CNTLN: variants seen among roughly 807,000 people sequenced by gnomAD.
The protein encoded by CNTLN is centlein.
Under a neutral mutation model 180.0 loss-of-function variants are expected in CNTLN, and 212 were observed. The ratio of observed to expected loss-of-function variants is 1.18; its 90% confidence interval spans 1.05 to 1.32. The LOEUF is 1.32. Ranked by LOEUF, CNTLN falls within the 40% of genes most tolerant of loss-of-function variation. The pLI is 0.00. For missense variants in CNTLN, 2,095 were observed against 1,610.9 expected (o/e 1.30, Z -5.14); for synonymous variants, 722 against 563.1 (o/e 1.28, Z -3.99).
At chr9:17,231,726 T>G (rs940749460) in intron 3 of CNTLN, among the ~76,000 whole-genome samples, 13 of 152,124 alleles carry the variant, frequency 8.5e-5, no homozygotes, top group Non-Finnish European at 1.6e-4. Flanking sequence ...TTCATGTCCA[T>G]TTTGAAAATA....
At position 17,334,913 on chromosome 9, in the gene CNTLN, A is replaced by T. The variant is rs957470375; in HGVS notation, c.1644+2183A>T. Among the ~76,000 whole-genome samples the T allele has an allele frequency of 2.0e-3, 303 of 150,388 alleles. 1 individual carries two copies. Among genetic ancestry groups the T allele is most frequent in the African/African-American group, 6.8e-3 (280 of 41,116 alleles). On this transcript the variant is annotated intron_variant, in intron 10 of 25. Coordinates refer to ENST00000380647, the MANE Select transcript of CNTLN (RefSeq NM_017738.4). ...ATGTGCTCCCTGAATCTAAAATTAAAAAAAAAAAAAAAAAAAAAGATTTTC... is the reference window on the plus strand; with the variant it reads ...ATGTGCTCCCTGAATCTAAAATTAATAAAAAAAAAAAAAAAAAAGATTTTC...
intron 7 of CNTLN, chr9:17,298,802 C>T: frequency 1.0e-6 from 1 of 986,064 alleles, no homozygotes; most frequent in Non-Finnish European, 1.2e-6. Flanking sequence ...TCAATATTTT[C>T]CAGGATTTTT....
chr9:17,235,591 C>T, intron 3 of CNTLN, 67 bp from the exon 4 acceptor site: 1 of 1,310,024 alleles, frequency 7.6e-7, no homozygotes, highest in Non-Finnish European at 1.1e-6. Context: ...AATGTAAAAC[C>T]TTTAAAATAA....
chr9:17,323,525 A>G (rs1025781767), intron 8 of CNTLN, among the ~76,000 whole-genome samples: 25 of 152,322 alleles, frequency 1.6e-4, no homozygotes, highest in Middle Eastern at 6.8e-3. Flanking sequence ...GTGCAAGATA[A>G]GTTCCCCAAA....
chr9:17,272,035 C>A lies in CNTLN; in HGVS notation c.850-1698C>A, dbSNP rs183628623. Among the ~76,000 whole-genome samples, 654 of 145,626 alleles carry A rather than the reference C, an allele frequency of 4.5e-3. 4 individuals carry two copies. Among genetic ancestry groups the A allele is most frequent in the African/African-American group, 0.015 (605 of 39,420 alleles). ...GTCCCCTCCCTCCCTCCCTTCCTTC[C>A]TTTTTTCCTTCCTTCCTTCCTCTCT... On this transcript the variant is annotated intron_variant, in intron 5 of 25. Transcript: ENST00000380647.
intron 2 of CNTLN, among the ~76,000 whole-genome samples, chr9:17,206,223 T>C (rs559516661): frequency 6.6e-6 from 1 of 152,334 alleles, no homozygotes; most frequent in East Asian, 1.9e-4. Flanking sequence ...ACCTGGACTT[T>C]TTTTTAACCA....
rs538674525 is a variant in CNTLN, at chr9:17,409,361, G to T, written c.2684G>T (p.Ser895Ile). 4 of 1,613,398 alleles carry T rather than the reference G, an allele frequency of 2.5e-6. No homozygotes were observed. The South Asian group carries it at 4.4e-5, about 18-fold the overall frequency. Residue 895 changes from serine to isoleucine, a missense_variant, in exon 16 of 26, where the codon AGT becomes ATT. Coordinates refer to ENST00000380647, the MANE Select transcript of CNTLN (RefSeq NM_017738.4). ...TIIVETSQKI[S>I]PTEDGKDQKE... Reference sequence around the variant, plus strand: ...ATTGTAGAAACATCCCAGAAAATAAGTCCTACGGAAGATGGAAAAGACCAG... The same window carrying T: ...ATTGTAGAAACATCCCAGAAAATAATTCCTACGGAAGATGGAAAAGACCAG...
chr9:17,519,979 G>A, the CNTLN span, among the ~76,000 whole-genome samples: 1 of 152,208 alleles, frequency 6.6e-6, no homozygotes, highest in Non-Finnish European at 1.5e-5. Context: ...CTCAGAGAGT[G>A]CAGGAGAGGA....
intron 18 of CNTLN, among the ~76,000 whole-genome samples, chr9:17,452,864 C>T (rs1454688713): frequency 3.3e-5 from 5 of 152,136 alleles, no homozygotes; most frequent in African/African-American, 1.2e-4. Context: ...TGGGATCCTA[C>T]AGTTGCAGCT....
intron 1 of CNTLN, among the ~76,000 whole-genome samples, chr9:17,142,459 T>G (rs1818171249): frequency 6.6e-6 from 1 of 152,274 alleles, no homozygotes; most frequent in East Asian, 1.9e-4. Flanking sequence ...CAATAATTTT[T>G]TTTTGAACAA....
chr9:17,298,952 T>C, intron 7 of CNTLN: 1 of 984,766 alleles, frequency 1.0e-6, no homozygotes, highest in African/African-American at 1.7e-5. Context: ...TTAAAAAAAA[T>C]ACCTTTATTG....
At chr9:17,253,653 G>C (rs1323909316) in intron 5 of CNTLN, among the ~76,000 whole-genome samples, 1 of 150,376 alleles carries the variant, frequency 6.6e-6, no homozygotes, top group Non-Finnish European at 1.5e-5. Context: ...ATCAGTTCTG[G>C]AGTTTTTCTG....
intron 13 of CNTLN, among the ~76,000 whole-genome samples, chr9:17,383,079 T>G (rs375378431): frequency 7.2e-5 from 11 of 152,124 alleles, no homozygotes; most frequent in African/African-American, 2.6e-4. Context: ...CTTTTTCTGT[T>G]CTCTTTGTTT....
chr9:17,333,860 G>A (rs1564003080), intron 10 of CNTLN, among the ~76,000 whole-genome samples: 1 of 152,148 alleles, frequency 6.6e-6, no homozygotes, highest in East Asian at 1.9e-4. Context: ...CAATTACTGA[G>A]CATTGCAATT....
intron 2 of CNTLN, among the ~76,000 whole-genome samples, chr9:17,211,987 A>G (rs980899179): frequency 3.9e-5 from 6 of 152,182 alleles, no homozygotes; most frequent in Non-Finnish European, 7.3e-5. Flanking sequence ...ATATACAGTC[A>G]TGTCGTCTGC....
rs752870109 is a variant in CNTLN at position 17,135,100 on chromosome 9, C to T, written c.35C>T (p.Ser12Leu). ...CGTTCGCCTCCCTCACCGCACCCTT[C>T]GCCCCCAGCGCGACAGCTGGGCCCC... is the stretch of plus-strand genomic sequence containing the variant. ...AARSPPSPHP[S>L]PPARQLGPRS... is the part of the protein sequence containing the mutation. Residue 12 changes from serine (S) to leucine (L), a missense_variant, in exon 1 of 26, where the codon TCG (serine) becomes TTG (leucine). By Grantham distance (145) the Ser-to-Leu change is moderately radical. Transcript: ENST00000380647. The T allele has an allele frequency of 1.0e-5, 16 of 1,604,654 alleles. No individual in the cohort carries two copies. Among genetic ancestry groups the T allele is most frequent in the African/African-American group, 1.3e-5 (1 of 74,852 alleles).
chr9:17,356,134 G>A (rs553133385), intron 12 of CNTLN, among the ~76,000 whole-genome samples: 1 of 151,804 alleles, frequency 6.6e-6, no homozygotes, highest in African/African-American at 2.4e-5. Flanking sequence ...TAAGTCAAGA[G>A]CAAATCAGAA....
intron 2 of CNTLN, among the ~76,000 whole-genome samples, chr9:17,188,960 ATTTTATCTTACTG>A (rs1289257016): frequency 2.0e-4 from 30 of 148,910 alleles, no homozygotes; most frequent in Non-Finnish European, 4.3e-4. Flanking sequence ...GACATTATGA[ATTTTATCTTACTG>A]ATTGTTTGAT....
At chr9:17,199,164 A>T (rs114391967) in intron 2 of CNTLN, among the ~76,000 whole-genome samples, 3,110 of 150,420 alleles carry the variant, frequency 0.021, 69 homozygotes, top group African/African-American at 0.056. Context: ...AAAGCATTCC[A>T]ATTTCACTGC....
Sources: gnomAD v4.1 joint callset for allele counts (sites outside exome capture counted in the v4.1 genomes callset) on GRCh38, gnomAD v4.1.1 for gene constraint, MANE v1.5 for transcripts, NCBI Gene and HGNC (gene_info 2026-07-23, HGNC 2026-07-21) for gene names.